The following TPO variants were observed in gnomAD, a reference collection of about 807,000 sequenced individuals.
The protein encoded by TPO is thyroid peroxidase.
A neutral mutation model predicts 96.9 loss-of-function variants in TPO; 78 were observed. That is an observed-to-expected ratio of 0.81 (90% confidence interval 0.67 to 0.97). The LOEUF (loss-of-function observed/expected upper bound fraction) is 0.97, where lower values mean the gene tolerates loss of function less well. Ranked by LOEUF, TPO falls within the 50% of genes least tolerant of loss-of-function variation. TPO has a pLI of 0.00. For missense variants in TPO, 1,252 were observed against 1,274.8 expected (o/e 0.98, Z 0.27); for synonymous variants, 547 against 538.0 (o/e 1.02, Z -0.23).
intron 3 of TPO, among the ~76,000 whole-genome samples, chr2:1,427,850 G>T (rs1307329720): frequency 6.6e-6 from 1 of 152,076 alleles, no homozygotes; most frequent in East Asian, 1.9e-4. Context: ...GGTGTATTCA[G>T]CCTGGAATAT....
chr2:1,527,829 T>TACTGTGTTCAACCTCCTCAAATCCCCCCC (rs1558414185), intron 15 of TPO, among the ~76,000 whole-genome samples: 29 of 25,336 alleles, frequency 1.1e-3, no homozygotes, highest in African/African-American at 3.4e-3. Flanking sequence ...CAAATCCCCA[T>TACTGTGTTCAACCTCCTCAAATCCCCCCC]ACTGTGTGCA....
At chr2:1,509,993 C>T (rs1380746941) in intron 14 of TPO, among the ~76,000 whole-genome samples, 1 of 152,202 alleles carries the variant, frequency 6.6e-6, no homozygotes, top group East Asian at 1.9e-4. Flanking sequence ...ACACCACACC[C>T]TCTTGTTTCA....
At chr2:1,515,897 T>TAAA (rs913769965) in intron 14 of TPO, among the ~76,000 whole-genome samples, 1 of 149,798 alleles carries the variant, frequency 6.7e-6, no homozygotes, top group Non-Finnish European at 1.5e-5. Flanking sequence ...CATGTTTGTT[T>TAAA]AAAAAAAAAA....
intron 1 of TPO, among the ~76,000 whole-genome samples, chr2:1,394,519 C>T (rs893078267): frequency 1.3e-5 from 2 of 152,204 alleles, no homozygotes; most frequent in South Asian, 4.1e-4. Context: ...GCCGAACAGA[C>T]GTCTCCAGGA....
intron 1 of TPO, among the ~76,000 whole-genome samples, chr2:1,394,006 A>T (rs1260366727): frequency 6.6e-6 from 1 of 152,224 alleles, no homozygotes; most frequent in African/African-American, 2.4e-5. Context: ...CCTTTCAAAT[A>T]CCACTTTCAA....
At chr2:1,388,539 G>A (rs1019146231) in intron 1 of TPO, among the ~76,000 whole-genome samples, 10 of 152,206 alleles carry the variant, frequency 6.6e-5, no homozygotes, top group African/African-American at 1.9e-4. Context: ...CTGGTGTGCC[G>A]TTTGCTAAGA....
chr2:1,538,037 A>C (rs1573668970), intron 15 of TPO, among the ~76,000 whole-genome samples: 2 of 68,716 alleles, frequency 2.9e-5, no homozygotes, highest in African/African-American at 1.8e-4. Context: ...AAGTCCCCCC[A>C]CTGTGTGCAA....
At chr2:1,434,174 A>G (rs1213480497) in intron 4 of TPO, among the ~76,000 whole-genome samples, 1 of 152,352 alleles carries the variant, frequency 6.6e-6, no homozygotes, top group East Asian at 1.9e-4. Context: ...AAAGCACTCT[A>G]TGGGCATAAG....
chr2:1,449,942 C>A (rs1667169447), intron 5 of TPO, among the ~76,000 whole-genome samples: 1 of 152,122 alleles, frequency 6.6e-6, no homozygotes, highest in South Asian at 2.1e-4. Flanking sequence ...GTAGCTCCAG[C>A]AGGAGACGGG....
At chr2:1,478,887 C>T (rs1573357863) in intron 8 of TPO, among the ~76,000 whole-genome samples, 4 of 151,672 alleles carry the variant, frequency 2.6e-5, no homozygotes, top group African/African-American at 7.3e-5. Flanking sequence ...ACTGTCCTAA[C>T]GCACATCCAC....
intron 1 of TPO, among the ~76,000 whole-genome samples, chr2:1,377,641 C>A (rs548698480): frequency 7.0e-4 from 106 of 152,280 alleles, no homozygotes; most frequent in African/African-American, 2.5e-3. Flanking sequence ...CAGAACCCAC[C>A]AAATTCATGT....
intron 7 of TPO, among the ~76,000 whole-genome samples, chr2:1,459,178 G>T (rs1190059204): frequency 1.3e-5 from 2 of 149,864 alleles, no homozygotes; most frequent in Admixed American, 6.6e-5. Flanking sequence ...TTAAGACAGG[G>T]TCTCACCCAG....
At chr2:1,431,135 TG>T (rs1380435840) in intron 3 of TPO, among the ~76,000 whole-genome samples, 1 of 152,136 alleles carries the variant, frequency 6.6e-6, no homozygotes, top group Non-Finnish European at 1.5e-5. Flanking sequence ...AGGTGAGGCC[TG>T]GTGAGAGGCG....
intron 1 of TPO, among the ~76,000 whole-genome samples, chr2:1,395,643 T>C (rs1662067859): frequency 6.6e-6 from 1 of 152,184 alleles, no homozygotes; most frequent in African/African-American, 2.4e-5. Flanking sequence ...TCATCTTGAA[T>C]TGTAGCTCCC....
intron 4 of TPO, among the ~76,000 whole-genome samples, chr2:1,435,236 G>A (rs1665449594): frequency 6.6e-6 from 1 of 152,144 alleles, no homozygotes; most frequent in Non-Finnish European, 1.5e-5. Context: ...CCCGGCCAAT[G>A]GTTCTTTTCT....
chr2:1,540,686 C>G lies in TPO; in HGVS notation c.2711C>G (p.Thr904Ser), dbSNP rs1321484372. The G allele has an allele frequency of 6.2e-7, 1 of 1,613,210 alleles. No individual in the cohort carries two copies. Among genetic ancestry groups the G allele is most frequent in the South Asian group, 1.1e-5 (1 of 91,078 alleles). Residue 904 changes from threonine (T) to serine (S), a missense_variant, in exon 16 of 17, where the codon ACC becomes AGC. Physicochemically the swap from Thr to Ser is moderately conservative, Grantham distance 58 (BLOSUM62 1). Transcript: ENST00000329066. Reference sequence around the variant, plus strand: ...TGCGGAAAGCACCAGGCCGTAGGGACCTCACCGCAGCGGGCCGCAGCTCAG... The same window carrying G: ...TGCGGAAAGCACCAGGCCGTAGGGAGCTCACCGCAGCGGGCCGCAGCTCAG... Reference protein sequence around the residue: ...LRCGKHQAVGTSPQRAAAQDS... With the variant: ...LRCGKHQAVGSSPQRAAAQDS...
chr2:1,409,168 C>T (rs771152944), upstream of TPO, among the ~76,000 whole-genome samples: 26 of 152,150 alleles, frequency 1.7e-4, no homozygotes, highest in Admixed American at 5.9e-4. Context: ...GAGCCTCGCA[C>T]GGGGACGTGA....
chr2:1,427,224 A>C (rs527764828), intron 3 of TPO, among the ~76,000 whole-genome samples: 1 of 152,358 alleles, frequency 6.6e-6, no homozygotes, highest in African/African-American at 2.4e-5. Context: ...CTGGGGACCC[A>C]GATCTTTATG....
In TPO at chr2:1,536,706, A is replaced by C. The variant is rs1679733352; in HGVS notation, c.2619-3888A>C. On this transcript the variant is annotated intron_variant, in intron 15 of 16. Coordinates refer to ENST00000329066, the MANE Select transcript of TPO (RefSeq NM_001206744.2). ...CTGTGCAACCTCCATAAATCCAACC[A>C]AATGTATGCAACCTCCTCAAATCCC... Among the ~76,000 whole-genome samples, 4 of 76,518 alleles carry C rather than the reference A, an allele frequency of 5.2e-5. No individual in the cohort carries two copies. In the Admixed American group the frequency reaches 6.2e-4, roughly 12 times the overall value. The allele number at this position is 76,518 out of a possible 152,430, so 50.2% of individuals were successfully genotyped here. A position where few individuals can be genotyped will look rare whatever the true frequency, so the allele number is the denominator to read the frequency against.
Sources: allele counts gnomAD v4.1 joint callset (sites outside exome capture counted in the v4.1 genomes callset), GRCh38; gene constraint gnomAD v4.1.1; transcripts MANE v1.5; gene names NCBI Gene and HGNC (gene_info 2026-07-23, HGNC 2026-07-21).